The following MSI2 variants were observed in gnomAD, a reference collection of about 807,000 sequenced individuals.
MSI2 encodes musashi RNA binding protein 2, also known as RNA-binding protein Musashi homolog 2.
Under a neutral mutation model 45.6 loss-of-function variants are expected in MSI2, and 17 were observed. The observed-to-expected ratio is 0.37, with a 90% CI of 0.26 to 0.56. The LOEUF (loss-of-function observed/expected upper bound fraction) is 0.56. MSI2 is among the 20% of genes least tolerant of loss of function. The pLI is 0.77. For missense variants in MSI2, 293 were observed against 444.2 expected, an observed-to-expected ratio of 0.66 and a Z score of 3.06; for synonymous variants, 156 against 158.2, an observed-to-expected ratio of 0.99 and a Z score of 0.11.
chr17:57,504,256 T>C (rs918415229), intron 6 of MSI2, among the ~76,000 whole-genome samples: 1 of 152,174 alleles, frequency 6.6e-6, no homozygotes, highest in African/African-American at 2.4e-5. Context: ...CTCTTGAGGC[T>C]GTGTGCCCTC....
intron 6 of MSI2, among the ~76,000 whole-genome samples, chr17:57,505,222 CAG>C (rs2086201663): frequency 6.6e-6 from 1 of 152,100 alleles, no homozygotes; most frequent in Admixed American, 6.5e-5. Flanking sequence ...CAACAGAGCA[CAG>C]AGAGGCAATG....
At chr17:57,393,649 G>T (rs2083835677) in intron 5 of MSI2, among the ~76,000 whole-genome samples, 2 of 152,094 alleles carry the variant, frequency 1.3e-5, no homozygotes, top group Admixed American at 1.3e-4. Context: ...GGAATTGCTG[G>T]ATCATATGGT....
At chr17:57,323,058 G>A (rs1913478352) in intron 5 of MSI2, among the ~76,000 whole-genome samples, 1 of 152,056 alleles carries the variant, frequency 6.6e-6, no homozygotes, top group African/African-American at 2.4e-5. Context: ...GACCCTGAGT[G>A]ATGGGTACCG....
chr17:57,311,640 C>T (rs545502516), intron 5 of MSI2, among the ~76,000 whole-genome samples: 1 of 152,282 alleles, frequency 6.6e-6, no homozygotes, highest in East Asian at 1.9e-4. Flanking sequence ...GCCTCCTATT[C>T]TTGGGCTTAA....
chr17:57,620,061 G>T (rs1320822905), intron 9 of MSI2, among the ~76,000 whole-genome samples: 3 of 152,146 alleles, frequency 2.0e-5, no homozygotes, highest in South Asian at 2.1e-4. Flanking sequence ...ACCAAGTAGA[G>T]AACCCTTTGG....
intron 6 of MSI2, among the ~76,000 whole-genome samples, chr17:57,467,279 G>A (rs548144800): frequency 6.6e-6 from 1 of 152,362 alleles, no homozygotes. Flanking sequence ...TGGCCATGTA[G>A]AGATGATTGT....
chr17:57,623,366 A>C (rs141709888), intron 9 of MSI2, among the ~76,000 whole-genome samples: 1 of 152,094 alleles, frequency 6.6e-6, no homozygotes, highest in African/African-American at 2.4e-5. Context: ...AGCCCGGGAG[A>C]AGATGAGTCA....
chr17:57,312,943 T>C (rs1431938471), intron 5 of MSI2, among the ~76,000 whole-genome samples: 2 of 151,980 alleles, frequency 1.3e-5, no homozygotes, highest in African/African-American at 2.4e-5. Flanking sequence ...GCCTCCTGGG[T>C]TCAAGCGATT....
intron 5 of MSI2, among the ~76,000 whole-genome samples, chr17:57,317,536 G>A (rs1248670885): frequency 6.9e-6 from 1 of 144,272 alleles, no homozygotes; most frequent in Non-Finnish European, 1.5e-5. Context: ...TTTGAGACGG[G>A]GTCTCACTTT....
At position 57,407,914 on chromosome 17, in the gene MSI2, C is replaced by G. The variant is rs1055811338; in HGVS notation, c.405+6443C>G. 6.6e-6 allele frequency among the ~76,000 whole-genome samples: 1 copy of G among 152,212 alleles called. No homozygotes were observed. Among genetic ancestry groups the G allele is most frequent in the African/African-American group, 2.4e-5 (1 of 41,442 alleles). ...AGGGGACTTTATTTGCCCCCTGACC[C>G]CTGGCCAAGCTGCTCAGTGGGAAAC... On this transcript the variant is annotated intron_variant, in intron 6 of 13. Coordinates refer to ENST00000284073, the MANE Select transcript of MSI2 (RefSeq NM_138962.4). The surrounding 1 kb of genome is among the most constrained non-coding windows in gnomAD (Gnocchi z 4.1).
chr17:57,332,763 A>C (rs1406940518), intron 5 of MSI2, among the ~76,000 whole-genome samples: 1 of 152,188 alleles, frequency 6.6e-6, no homozygotes, highest in Non-Finnish European at 1.5e-5. Context: ...TGGTGGCTCA[A>C]GCCTGTAATC....
At chr17:57,427,512 G>A (rs902161282) in intron 6 of MSI2, among the ~76,000 whole-genome samples, 3 of 152,046 alleles carry the variant, frequency 2.0e-5, no homozygotes, top group African/African-American at 7.2e-5. Context: ...GGTATGAGTG[G>A]GACCCTACTT....
At position 57,529,599 on chromosome 17, in the gene MSI2, C is replaced by G. The variant is rs1021081661; in HGVS notation, c.406-77C>G. 1 of 1,348,066 alleles carries G rather than the reference C, an allele frequency of 7.4e-7. No individual in the cohort carries two copies. Among genetic ancestry groups the G allele is most frequent in the Non-Finnish European group, 1.1e-6 (1 of 945,942 alleles). 83.5% of individuals were successfully genotyped at this position (1,348,066 alleles called of 1,614,324 possible). On this transcript the variant is annotated intron_variant, in intron 6 of 13. Coordinates refer to ENST00000284073, the MANE Select transcript of MSI2 (RefSeq NM_138962.4). This position sits in a 1 kb window ranked among gnomAD's most constrained non-coding sequence, Gnocchi z 5.3. Reference sequence around the variant, plus strand: ...TCTGTAATGGAAACTACCCCCTCACCCCCCGACATGCATATAATGTTTTGT... The same window carrying G: ...TCTGTAATGGAAACTACCCCCTCACGCCCCGACATGCATATAATGTTTTGT...
At chr17:57,418,556 T>G (rs1378451095) in intron 6 of MSI2, among the ~76,000 whole-genome samples, 1 of 152,232 alleles carries the variant, frequency 6.6e-6, no homozygotes, top group African/African-American at 2.4e-5. Flanking sequence ...TCTTGCTTTT[T>G]TCTTGGGCTG....
In MSI2 at chr17:57,622,669, C is replaced by T. The variant is rs79264290; in HGVS notation, c.653-4560C>T. ...AAATGTGAGCAAAAAAAAAAAGTAT[C>T]GTTAAGAACAGGCACTAGGAAGCTG... On this transcript the variant is annotated intron_variant, in intron 9 of 13. Transcript: ENST00000284073. Among the ~76,000 whole-genome samples, 259 of 152,038 alleles carry T rather than the reference C, an allele frequency of 1.7e-3. 2 individuals carry two copies. The highest frequency in any genetic ancestry group is 5.3e-3 in the African/African-American group (221 of 41,390).
chr17:57,394,073 C>T (rs997953750), intron 5 of MSI2, among the ~76,000 whole-genome samples: 2 of 152,194 alleles, frequency 1.3e-5, no homozygotes, highest in African/African-American at 4.8e-5. Context: ...AAAGCAGCTG[C>T]ACTATTTTAA....
chr17:57,414,686 C>T (rs2084261537), intron 6 of MSI2, among the ~76,000 whole-genome samples: 1 of 152,184 alleles, frequency 6.6e-6, no homozygotes, highest in Non-Finnish European at 1.5e-5. Context: ...AGGCATGAGC[C>T]ACCCTGCCCA....
chr17:57,698,922 T>A, the MSI2 span, among the ~76,000 whole-genome samples: 5 of 127,376 alleles, frequency 3.9e-5, no homozygotes, highest in African/African-American at 1.5e-4. Flanking sequence ...TGTGTGTGTG[T>A]GTGTGTGTGT....
intron 13 of MSI2, 79 bp downstream of exon 13, chr17:57,677,138 C>G (rs553873624): frequency 1.1e-5 from 11 of 974,010 alleles, no homozygotes; most frequent in Non-Finnish European, 1.8e-5. Flanking sequence ...CATGCACGTG[C>G]GTGCCCCTGT....
Sources: allele counts gnomAD v4.1 joint callset (sites outside exome capture counted in the v4.1 genomes callset), GRCh38; gene constraint gnomAD v4.1.1; non-coding constraint Gnocchi (gnomAD v3.1); transcripts MANE v1.5; gene names NCBI Gene and HGNC (gene_info 2026-07-23, HGNC 2026-07-21).